The following PRKAR2A variants were observed in gnomAD, a reference collection of about 807,000 sequenced individuals.
The protein encoded by PRKAR2A is cAMP-dependent protein kinase type II-alpha regulatory subunit.
A neutral mutation model predicts 51.9 loss-of-function variants in PRKAR2A; 29 were observed. The observed-to-expected ratio is 0.56, with a 90% CI of 0.42 to 0.76. PRKAR2A has a LOEUF of 0.76. PRKAR2A is among the 30% of genes least tolerant of loss of function. The pLI, the probability that PRKAR2A is intolerant of heterozygous loss-of-function variation, is 0.00. For synonymous variants in PRKAR2A, 178 were observed against 186.2 expected (o/e 0.96, Z 0.36); for missense variants, 445 against 512.1 (o/e 0.87, Z 1.26).
chr3:48,799,885 A>T lies in PRKAR2A; in HGVS notation c.299-5836T>A, dbSNP rs2082557955. 2.0e-5 allele frequency among the ~76,000 whole-genome samples: 3 copies of T among 151,968 alleles called. No individual in the cohort carries two copies. In the South Asian group the frequency reaches 6.2e-4, roughly 31 times the overall value. ...TTATTTGTTTTGTTTTTTGAGACAG[A>T]GTCTCACTCTGTTGCCCAGGCTGCA... On this transcript the variant is annotated intron_variant, in intron 2 of 10. Transcript: ENST00000265563.
chr3:48,783,035 G>A lies in PRKAR2A; in HGVS notation c.493C>T (p.His165Tyr), dbSNP rs371959163. The change falls in exon 5 of 11, where the codon CAT becomes TAT. Residue 165 changes from histidine (H) to tyrosine (Y), a missense_variant. Coordinates refer to ENST00000265563, the MANE Select transcript of PRKAR2A (RefSeq NM_004157.4). ...MFERIVKADE[H>Y]VIDQGDDGDN... ...CCATCATCTCCTTGGTCAATGACATGCTCATCAGCTTTGACTATCCTTTCA... is the reference window on the plus strand; with the variant it reads ...CCATCATCTCCTTGGTCAATGACATACTCATCAGCTTTGACTATCCTTTCA... The A allele has an allele frequency of 4.3e-6, 7 of 1,613,870 alleles. No individual in the cohort carries two copies. Among genetic ancestry groups the A allele is most frequent in the Non-Finnish European group, 5.9e-6 (7 of 1,179,936 alleles).
chr3:48,794,161 T>TC (rs1474714828), intron 2 of PRKAR2A, 112 bp from the exon 3 acceptor site: 1 of 869,424 alleles, frequency 1.2e-6, no homozygotes, highest in Non-Finnish European at 1.7e-6. Context: ...TTTCTTTTTT[T>TC]TTTTTTTGAG....
Position 48,773,069 on chromosome 3 carries a change from G to A in PRKAR2A, c.582C>T (p.Thr194=). 2 of 1,611,048 alleles carry A rather than the reference G, an allele frequency of 1.2e-6. No homozygotes were observed. The highest frequency in any genetic ancestry group is 1.7e-6 in the Non-Finnish European group (2 of 1,178,296). ...GGTTGTCATATTGACCAACAGAGCG[G>A]GTTTGATTATCTTTTGTTACTAAAA... ...YDILVTKDNQ[T]RSVGQYDNRG... is the part of the protein sequence containing the mutation. Residue 194 remains threonine, a synonymous_variant, in exon 6 of 11, where the codon ACC becomes ACT. Transcript: ENST00000265563.
Position 48,748,121 on chromosome 3 carries a change from A to C in PRKAR2A, c.*3464T>G, listed in dbSNP as rs1279027526. 6.7e-6 allele frequency: 1 copy of C among 149,148 alleles called. No individual in the cohort carries two copies. Among genetic ancestry groups the C allele is most frequent in the Non-Finnish European group, 1.5e-5 (1 of 67,350 alleles). 9.2% of individuals were successfully genotyped at this position (149,148 alleles called of 1,614,324 possible). A position where few individuals can be genotyped will look rare whatever the true frequency, so the allele number is the denominator to read the frequency against. ...CCATATGTCAATCAGTAGTTGGAGG[A>C]GGATGACTTTTTTTTTTTTTTTTTG... On this transcript the variant is annotated 3_prime_UTR_variant, in exon 11 of 11. Transcript: ENST00000265563.
chr3:48,834,921 G>C (rs961367454), intron 1 of PRKAR2A, among the ~76,000 whole-genome samples: 1 of 149,992 alleles, frequency 6.7e-6, no homozygotes, highest in African/African-American at 2.4e-5. Flanking sequence ...GCAGGCCACA[G>C]TAACTCACAA....
chr3:48,834,541 C>T (rs987308357), intron 1 of PRKAR2A, among the ~76,000 whole-genome samples: 4 of 151,858 alleles, frequency 2.6e-5, no homozygotes. Context: ...TCAAGACCAG[C>T]CTGGGAAACA....
At chr3:48,756,683 T>A (rs567971838) in intron 8 of PRKAR2A, among the ~76,000 whole-genome samples, 1 of 152,120 alleles carries the variant, frequency 6.6e-6, no homozygotes, top group Non-Finnish European at 1.5e-5. Context: ...GAGTCAGGCA[T>A]GCAGATATAC....
chr3:48,786,868 C>A (rs921245851), intron 4 of PRKAR2A, among the ~76,000 whole-genome samples: 1 of 152,024 alleles, frequency 6.6e-6, no homozygotes, highest in Non-Finnish European at 1.5e-5. Flanking sequence ...ACATCATGGG[C>A]CCCTTGATAT....
intron 9 of PRKAR2A, among the ~76,000 whole-genome samples, chr3:48,753,323 C>A (rs1185202923): frequency 6.6e-6 from 1 of 151,402 alleles, no homozygotes; most frequent in Non-Finnish European, 1.5e-5. Flanking sequence ...CAACTGCTAA[C>A]CAAAGTGATA....
At chr3:48,775,348 G>C (rs1169291344) in intron 5 of PRKAR2A, among the ~76,000 whole-genome samples, 1 of 151,702 alleles carries the variant, frequency 6.6e-6, no homozygotes, top group Non-Finnish European at 1.5e-5. Context: ...TGAGGCAGGA[G>C]AATCACTTGA....
chr3:48,765,807 T>TA (rs1159995075), intron 6 of PRKAR2A, among the ~76,000 whole-genome samples: 1 of 150,546 alleles, frequency 6.6e-6, no homozygotes, highest in Non-Finnish European at 1.5e-5. Flanking sequence ...ATCCAGGATT[T>TA]AAAAAAACTT....
intron 2 of PRKAR2A, among the ~76,000 whole-genome samples, chr3:48,794,626 C>A (rs945536302): frequency 6.6e-6 from 1 of 151,598 alleles, no homozygotes; most frequent in South Asian, 2.1e-4. Context: ...ACTTGGGAGA[C>A]GGAGGTTGCA....
intron 1 of PRKAR2A, among the ~76,000 whole-genome samples, chr3:48,831,289 A>G (rs1433250540): frequency 1.3e-5 from 2 of 151,950 alleles, no homozygotes; most frequent in Non-Finnish European, 2.9e-5. Context: ...TAATCAAAAC[A>G]TCATTATGCA....
intron 8 of PRKAR2A, among the ~76,000 whole-genome samples, chr3:48,761,911 C>A (rs1257138726): frequency 2.0e-5 from 3 of 152,174 alleles, no homozygotes; most frequent in African/African-American, 7.2e-5. Context: ...GCGTGAGCCA[C>A]CCTGCCTGAC....
rs1401248500 is a variant in PRKAR2A at position 48,778,820 on chromosome 3, CA to C, written c.542+4165del. On this transcript the variant is annotated intron_variant, in intron 5 of 10. Coordinates refer to ENST00000265563, the MANE Select transcript of PRKAR2A (RefSeq NM_004157.4). The stretch of plus-strand genomic sequence containing the variant: ...GGCGTGAGCCACGGTGCTCGGCCTG[CA>C]TTTTTTTTTTTTTTTTTTTTTGAGA... 5.9e-3 allele frequency among the ~76,000 whole-genome samples: 760 copies of C among 128,568 alleles called. 11 individuals are homozygous for C. The highest frequency in any genetic ancestry group is 0.021 in the African/African-American group (707 of 33,530). 84.3% of individuals were successfully genotyped at this position (128,568 alleles called of 152,430 possible).
chr3:48,756,708 A>G (rs780495069), intron 8 of PRKAR2A, among the ~76,000 whole-genome samples: 1 of 152,200 alleles, frequency 6.6e-6, no homozygotes, highest in Non-Finnish European at 1.5e-5. Context: ...AGCAGCTTTC[A>G]GGCACACTTC....
At chr3:48,796,278 T>A (rs906653827) in intron 2 of PRKAR2A, among the ~76,000 whole-genome samples, 1 of 152,198 alleles carries the variant, frequency 6.6e-6, no homozygotes, top group African/African-American at 2.4e-5. Context: ...AAGACTGTTG[T>A]AAGGATTCAA....
chr3:48,841,592 AGTG>A (rs2083383329), intron 1 of PRKAR2A, among the ~76,000 whole-genome samples: 1 of 148,506 alleles, frequency 6.7e-6, no homozygotes, highest in African/African-American at 2.5e-5. Flanking sequence ...TATACCTAGG[AGTG>A]AAATTGCTCT....
chr3:48,801,650 T>C (rs947498052), intron 2 of PRKAR2A, among the ~76,000 whole-genome samples: 1 of 152,174 alleles, frequency 6.6e-6, no homozygotes, highest in Non-Finnish European at 1.5e-5. Flanking sequence ...CTGGCTGGAA[T>C]GCAGTGGTGC....
Sources: gnomAD v4.1 joint callset for allele counts (sites outside exome capture counted in the v4.1 genomes callset) on GRCh38, gnomAD v4.1.1 for gene constraint, MANE v1.5 for transcripts, NCBI Gene and HGNC (gene_info 2026-07-23, HGNC 2026-07-21) for gene names.